The following LRRC4C variants were observed in gnomAD, a reference collection of about 807,000 sequenced individuals.
LRRC4C encodes the protein leucine rich repeat containing 4C.
LRRC4C carries 5 observed loss-of-function variants against 33.6 expected under a neutral mutation model. The ratio of observed to expected loss-of-function variants is 0.15; its 90% confidence interval spans 0.08 to 0.31. LRRC4C has a LOEUF of 0.31. Among genes scored for constraint, LRRC4C ranks in the 10% least tolerant of loss-of-function variants. The pLI is 1.00. For synonymous variants in LRRC4C, 329 were observed against 302.0 expected (o/e 1.09, Z -0.93); for missense variants, 560 against 796.7 (o/e 0.70, Z 3.58).
chr11:40,703,027 G>A lies in LRRC4C; in HGVS notation c.-406-54749C>T, dbSNP rs116877589. Reference sequence around the variant, plus strand: ...ATATTAGCTTTAAAATAAGAATAAAGTTAAGAAATACAGAAATTAGAAATA... The same window carrying A: ...ATATTAGCTTTAAAATAAGAATAAAATTAAGAAATACAGAAATTAGAAATA... On this transcript the variant is annotated intron_variant, in intron 2 of 6. Transcript: ENST00000528697. Among the ~76,000 whole-genome samples, 74 of 152,096 alleles carry A rather than the reference G, an allele frequency of 4.9e-4. 1 individual carries two copies. In the East Asian group the frequency reaches 0.013, roughly 26 times the overall value.
At chr11:40,354,252 G>A (rs181830539) in intron 3 of LRRC4C, among the ~76,000 whole-genome samples, 19 of 152,170 alleles carry the variant, frequency 1.2e-4, no homozygotes, top group Admixed American at 2.6e-4. Flanking sequence ...CTGGAGCTGC[G>A]GGAGGGCTGA....
At chr11:41,072,076 G>A (rs531869521) in intron 1 of LRRC4C, among the ~76,000 whole-genome samples, 1 of 152,094 alleles carries the variant, frequency 6.6e-6, no homozygotes, top group Admixed American at 6.5e-5. Flanking sequence ...TTTTTTGAAT[G>A]GAATCTATTC....
chr11:40,141,892 A>G (rs1857389792), intron 5 of LRRC4C, among the ~76,000 whole-genome samples: 1 of 145,156 alleles, frequency 6.9e-6, no homozygotes. Context: ...ATAGCAATAT[A>G]TCACTAATGA....
intron 3 of LRRC4C, among the ~76,000 whole-genome samples, chr11:40,455,414 A>T (rs1265441826): frequency 6.6e-6 from 1 of 152,210 alleles, no homozygotes; most frequent in Non-Finnish European, 1.5e-5. Context: ...GAAGCTAGGC[A>T]ACACAGCCAG....
At chr11:40,508,753 C>T (rs1955161489) in intron 3 of LRRC4C, among the ~76,000 whole-genome samples, 1 of 152,082 alleles carries the variant, frequency 6.6e-6, no homozygotes, top group African/African-American at 2.4e-5. Context: ...TCTTTCAAGG[C>T]TGCTGGGATA....
At chr11:40,117,095 T>G (rs1855493024) in intron 6 of LRRC4C, among the ~76,000 whole-genome samples, 1 of 152,180 alleles carries the variant, frequency 6.6e-6, no homozygotes, top group Admixed American at 6.5e-5. Context: ...ATTCAAGAAG[T>G]CACATGTTTA....
At chr11:40,798,366 G>A (rs568431000) in intron 2 of LRRC4C, among the ~76,000 whole-genome samples, 1 of 152,184 alleles carries the variant, frequency 6.6e-6, no homozygotes, top group East Asian at 1.9e-4. Flanking sequence ...TTTATACACA[G>A]GCAATTGTCC....
At chr11:41,355,335 T>C (rs919487433) in intron 1 of LRRC4C, among the ~76,000 whole-genome samples, 2 of 152,076 alleles carry the variant, frequency 1.3e-5, no homozygotes, top group Middle Eastern at 3.4e-3. Flanking sequence ...GAAATATGAG[T>C]CTAAATTTTA....
chr11:40,925,526 C>T (rs1168049057), intron 2 of LRRC4C, among the ~76,000 whole-genome samples: 17 of 152,168 alleles, frequency 1.1e-4, no homozygotes, highest in African/African-American at 7.2e-5. Flanking sequence ...AAGAAGGAAA[C>T]TTTGCCACTT....
chr11:41,199,707 C>T (rs1184719172), intron 1 of LRRC4C, among the ~76,000 whole-genome samples: 1 of 152,040 alleles, frequency 6.6e-6, no homozygotes, highest in Non-Finnish European at 1.5e-5. Context: ...TATGAAACTC[C>T]AGCCATGCCA....
chr11:40,908,666 T>C (rs887989576), intron 2 of LRRC4C, among the ~76,000 whole-genome samples: 6 of 152,196 alleles, frequency 3.9e-5, no homozygotes, highest in African/African-American at 1.4e-4. Context: ...GCTCTTGCCC[T>C]ATCCAACTTG....
chr11:40,489,128 C>A (rs554720909), intron 3 of LRRC4C, among the ~76,000 whole-genome samples: 1 of 152,198 alleles, frequency 6.6e-6, no homozygotes, highest in Admixed American at 6.6e-5. Flanking sequence ...TCTGTCAAAT[C>A]CCACTTCATT....
At chr11:40,227,697 C>A (rs1355534144) in intron 5 of LRRC4C, among the ~76,000 whole-genome samples, 3 of 151,908 alleles carry the variant, frequency 2.0e-5, no homozygotes, top group African/African-American at 7.3e-5. Flanking sequence ...CTGTAGAAAC[C>A]ATGGGTGCTA....
intron 3 of LRRC4C, among the ~76,000 whole-genome samples, chr11:40,559,217 C>T: frequency 6.9e-6 from 1 of 143,980 alleles, no homozygotes; most frequent in Non-Finnish European, 1.5e-5. Context: ...TGGGGTCTCA[C>T]TCTGCCACCC....
At chr11:40,383,172 T>C (rs1590544823) in intron 3 of LRRC4C, among the ~76,000 whole-genome samples, 1 of 152,310 alleles carries the variant, frequency 6.6e-6, no homozygotes. Flanking sequence ...TTTGGGTCCA[T>C]TCATGTTGCA....
chr11:41,425,264 T>A (rs1955000542), intron 1 of LRRC4C, among the ~76,000 whole-genome samples: 1 of 152,052 alleles, frequency 6.6e-6, no homozygotes, highest in African/African-American at 2.4e-5. Flanking sequence ...CACCCGAACC[T>A]GAGAAAGCAG....
At chr11:40,845,851 T>A (rs1194884878) in intron 2 of LRRC4C, among the ~76,000 whole-genome samples, 1 of 152,202 alleles carries the variant, frequency 6.6e-6, no homozygotes, top group Non-Finnish European at 1.5e-5. Flanking sequence ...TGTTGTTTCC[T>A]TACTGTTTAA....
At chr11:40,375,300 A>G (rs1335769773) in intron 3 of LRRC4C, among the ~76,000 whole-genome samples, 5 of 152,206 alleles carry the variant, frequency 3.3e-5, no homozygotes, top group African/African-American at 1.2e-4. Context: ...GAGGTAGCAT[A>G]TTCCAAAAAG....
At chr11:41,231,671 G>A (rs902675438) in intron 1 of LRRC4C, among the ~76,000 whole-genome samples, 3 of 151,154 alleles carry the variant, frequency 2.0e-5, no homozygotes, top group African/African-American at 7.3e-5. Flanking sequence ...TGTAAATGAC[G>A]CGTTAATGGG....
Sources: allele counts gnomAD v4.1 joint callset (sites outside exome capture counted in the v4.1 genomes callset), GRCh38; gene constraint gnomAD v4.1.1; transcripts MANE v1.5; gene names NCBI Gene and HGNC (gene_info 2026-07-23, HGNC 2026-07-21).